CTSE: variants seen among roughly 807,000 people sequenced by gnomAD.
The protein encoded by CTSE is cathepsin E.
A neutral mutation model predicts 42.8 loss-of-function variants in CTSE; 43 were observed. The ratio of observed to expected loss-of-function variants is 1.01; its 90% confidence interval spans 0.79 to 1.30. The LOEUF is 1.30. Among genes scored for constraint, CTSE ranks in the 50% most tolerant of loss-of-function variants. The pLI is 0.00. For missense variants in CTSE, 532 were observed against 493.5 expected (o/e 1.08, Z -0.74); for synonymous variants, 205 against 191.5 (o/e 1.07, Z -0.58).
chr1:206,021,163 C>T lies in CTSE; in HGVS notation c.348G>A (p.Thr116=), dbSNP rs149390455. 28 of 1,610,264 alleles carry T rather than the reference C, an allele frequency of 1.7e-5. No homozygotes were observed. The Admixed American group carries it at 3.5e-4, about 20-fold the overall frequency. ...SVYCTSPACK[T]HSRFQPSQSS... is the part of the protein sequence containing the mutation. ...ACTGGGAAGGCTGGAACCTGCTGTG[C>T]GTCTCTGGAAAGAAGTGCACTGCTC... The change falls in exon 4 of 9, where the codon ACG becomes ACA. Residue 116 remains threonine, a synonymous_variant. Transcript: ENST00000358184.
At chr1:206,017,895 A>G (rs1242450424) in intron 4 of CTSE, among the ~76,000 whole-genome samples, 1 of 152,084 alleles carries the variant, frequency 6.6e-6, no homozygotes, top group Non-Finnish European at 1.5e-5. Flanking sequence ...CTTGTCATAC[A>G]TTAATATTGA....
chr1:206,015,692 C>G (rs1661241436), intron 5 of CTSE, among the ~76,000 whole-genome samples: 1 of 151,910 alleles, frequency 6.6e-6, no homozygotes, highest in South Asian at 2.1e-4. Flanking sequence ...AGAACCAATC[C>G]CAGAGATTCC....
intron 5 of CTSE, among the ~76,000 whole-genome samples, chr1:206,015,171 T>C (rs1178951195): frequency 6.6e-6 from 1 of 152,096 alleles, no homozygotes; most frequent in African/African-American, 2.4e-5. Flanking sequence ...ATCTTACCCA[T>C]TTTTGAGTCT....
intron 5 of CTSE, chr1:206,014,247 CT>C: frequency 5.4e-6 from 1 of 185,724 alleles, no homozygotes; most frequent in South Asian, 1.6e-4. Context: ...CCAAAGACAC[CT>C]TTTCCCAAAG....
intron 1 of CTSE, 62 bp downstream of exon 1, chr1:206,023,662 C>A (rs1661518455): frequency 6.7e-7 from 1 of 1,493,370 alleles, no homozygotes; most frequent in Non-Finnish European, 9.3e-7. Flanking sequence ...TACCCCAGAG[C>A]AGCCCTGAGT....
chr1:206,017,646 C>T lies in CTSE; in HGVS notation c.463-1516G>A, dbSNP rs552418652. ...CTGGGACTACAGGCGTGTGCCACCA[C>T]GCCTGGCTAATTTTTGTATTTTTAG... On this transcript the variant is annotated intron_variant, in intron 4 of 8. Transcript: ENST00000358184. Among the ~76,000 whole-genome samples, 64 of 152,012 alleles carry T rather than the reference C, an allele frequency of 4.2e-4. 1 individual carries two copies. Among genetic ancestry groups the T allele is most frequent in the Non-Finnish European group, 6.3e-4 (43 of 67,970 alleles).
intron 5 of CTSE, 66 bp from the exon 6 acceptor site, chr1:206,013,960 CT>C: frequency 6.4e-7 from 1 of 1,564,922 alleles, no homozygotes; most frequent in Non-Finnish European, 8.7e-7. Flanking sequence ...TGAGCCTCAG[CT>C]AGGACCCTTT....
At chr1:206,020,025 A>G (rs1661371373) in intron 4 of CTSE, among the ~76,000 whole-genome samples, 2 of 145,374 alleles carry the variant, frequency 1.4e-5, no homozygotes, top group East Asian at 3.9e-4. Context: ...ATATTATATT[A>G]ATTATATAAT....
At chr1:206,021,311 C>T in intron 3 of CTSE, 144 bp from the exon 4 acceptor site, 1 of 666,122 alleles carries the variant, frequency 1.5e-6, no homozygotes, top group Non-Finnish European at 2.7e-6. Context: ...TGGTGATGCC[C>T]CTCCCTAATG....
Position 206,023,709 on chromosome 1 carries a change from G to C in CTSE, c.68+15C>G. 1 of 1,612,374 alleles carries C rather than the reference G, an allele frequency of 6.2e-7. No individual in the cohort carries two copies. On this transcript the variant is annotated intron_variant, in intron 1 of 8. Coordinates refer to ENST00000358184, the MANE Select transcript of CTSE (RefSeq NM_001910.4). The stretch of plus-strand genomic sequence containing the variant: ...GGACTACCCAGCTGAACACAGTGCG[G>C]GGACGTCTTCTCACCTGTGAAGGGA...
chr1:206,023,000 G>C lies in CTSE; in HGVS notation c.126C>G (p.Leu42=). ...LKKKLRARSQ[L]SEFWKSHNLD... Reference sequence around the variant, plus strand: ...AATTATGGGATTTCCAGAACTCAGAGAGCTGGCTCCGTGCCCGCAGCTTCT... The same window carrying C: ...AATTATGGGATTTCCAGAACTCAGACAGCTGGCTCCGTGCCCGCAGCTTCT... The change falls in exon 2 of 9, where the codon CTC becomes CTG. Residue 42 remains leucine (L), a synonymous_variant. Transcript: ENST00000358184. 1 of 1,613,228 alleles carries C rather than the reference G, an allele frequency of 6.2e-7. No homozygotes were observed. The highest frequency in any genetic ancestry group is 1.7e-5 in the Admixed American group (1 of 59,966).
In CTSE at chr1:206,023,835, C is replaced by G; in HGVS notation, c.-44G>C. The G allele has an allele frequency of 6.2e-7, 1 of 1,601,590 alleles. No individual in the cohort carries two copies. The highest frequency in any genetic ancestry group is 1.3e-5 in the African/African-American group (1 of 74,724). ...CTTCTCCCTTGCCCCCTCCTTTCTT[C>G]TCTCCCCGAGGGCAGTGGGAACGGA... On this transcript the variant is annotated 5_prime_UTR_variant, in exon 1 of 9. Coordinates refer to ENST00000358184, the MANE Select transcript of CTSE (RefSeq NM_001910.4).
intron 6 of CTSE, among the ~76,000 whole-genome samples, chr1:206,013,491 T>C (rs369370012): frequency 1.1e-4 from 16 of 152,000 alleles, no homozygotes; most frequent in African/African-American, 2.4e-4. Context: ...CCTTGCCTTG[T>C]GTGTTAATGT....
At position 206,010,121 on chromosome 1, in the gene CTSE, A is replaced by G. The variant is rs1553276704; in HGVS notation, c.*62T>C. 7 of 1,601,504 alleles carry G rather than the reference A, an allele frequency of 4.4e-6. No homozygotes were observed. In the Admixed American group the frequency reaches 5.0e-5, roughly 11 times the overall value. On this transcript the variant is annotated 3_prime_UTR_variant, in exon 9 of 9. Coordinates refer to ENST00000358184, the MANE Select transcript of CTSE (RefSeq NM_001910.4). ...AAATAACTTTTTGTAGGTGTAAAGA[A>G]TGCCCCAGCCTAACATATTCAAGGT...
rs574830212 is a variant in CTSE at position 206,023,036 on chromosome 1, C to T, written c.90G>A (p.Pro30=). Residue 30 remains proline, a synonymous_variant, in exon 2 of 9, where the codon CCG becomes CCA. Transcript: ENST00000358184. ...GTGCCCGCAGCTTCTTCTTGAGGGACGGATGCCTCCTGAGGGGCACCCTGG... is the reference window on the plus strand; with the variant it reads ...GTGCCCGCAGCTTCTTCTTGAGGGATGGATGCCTCCTGAGGGGCACCCTGG... ...SLHRVPLRRH[P]SLKKKLRARS... 4.4e-5 allele frequency: 71 copies of T among 1,612,934 alleles called. 2 individuals carry two copies. Among genetic ancestry groups the T allele is most frequent in the East Asian group, 1.8e-4 (8 of 44,808 alleles).
Position 206,022,890 on chromosome 1 carries a change from G to C in CTSE, c.225+11C>G. On this transcript the variant is annotated intron_variant, in intron 2 of 8. Transcript: ENST00000358184. ...CCACCTCTCCCCAGCCCTGACCCCA[G>C]GAGGCCTCACATCCAAGTAGTTGAT... 3 of 1,559,936 alleles carry C rather than the reference G, an allele frequency of 1.9e-6. No homozygotes were observed. Among genetic ancestry groups the C allele is most frequent in the Non-Finnish European group, 2.6e-6 (3 of 1,148,550 alleles).
intron 3 of CTSE, 80 bp downstream of exon 3, chr1:206,022,070 C>T: frequency 1.1e-6 from 1 of 941,568 alleles, no homozygotes; most frequent in Non-Finnish European, 1.6e-6. Flanking sequence ...AACCTAAGCC[C>T]CCCTTCCCCA....
chr1:206,012,499 G>A lies in CTSE; in HGVS notation c.927+9C>T, dbSNP rs1661134441. 1 of 1,613,974 alleles carries A rather than the reference G, an allele frequency of 6.2e-7. No individual in the cohort carries two copies. Among genetic ancestry groups the A allele is most frequent in the Non-Finnish European group, 8.5e-7 (1 of 1,179,926 alleles). Reference sequence around the variant, plus strand: ...TCCCCACCACTCCCTTGCGCAGGCAGGCACTCACTTCTCCATCCACGGGGG... The same window carrying A: ...TCCCCACCACTCCCTTGCGCAGGCAAGCACTCACTTCTCCATCCACGGGGG... On this transcript the variant is annotated intron_variant, in intron 7 of 8. Transcript: ENST00000358184.
chr1:206,022,803 T>C (rs1333199658), intron 2 of CTSE, 98 bp downstream of exon 2: 8 of 1,187,500 alleles, frequency 6.7e-6, no homozygotes, highest in East Asian at 2.6e-5. Context: ...AAATCCACAA[T>C]GGCCTTCGGT....
Sources: allele counts gnomAD v4.1 joint callset (sites outside exome capture counted in the v4.1 genomes callset), GRCh38; gene constraint gnomAD v4.1.1; transcripts MANE v1.5; gene names NCBI Gene and HGNC (gene_info 2026-07-23, HGNC 2026-07-21).